RAB3GAP1: variants seen among roughly 807,000 people sequenced by gnomAD.
RAB3GAP1 encodes RAB3 GTPase activating protein catalytic subunit 1, also known as rab3 GTPase-activating protein catalytic subunit.
A neutral mutation model predicts 130.7 loss-of-function variants in RAB3GAP1; 86 were observed. The ratio of observed to expected loss-of-function variants is 0.66; its 90% CI spans 0.55 to 0.79. The LOEUF (loss-of-function observed/expected upper bound fraction) is 0.79. Ranked by LOEUF, RAB3GAP1 falls within the 30% of genes least tolerant of loss-of-function variation. RAB3GAP1 has a pLI of 0.00. For missense variants in RAB3GAP1, 1,029 were observed against 1,169.4 expected (o/e 0.88, Z 1.75); for synonymous variants, 367 against 401.7 (o/e 0.91, Z 1.03).
Position 135,170,169 on chromosome 2 carries a change from A to G in RAB3GAP1, c.*1388A>G, listed in dbSNP as rs1172769724. On this transcript the variant is annotated 3_prime_UTR_variant, in exon 24 of 24. Coordinates refer to ENST00000264158, the MANE Select transcript of RAB3GAP1 (RefSeq NM_012233.3). The stretch of plus-strand genomic sequence containing the variant: ...GCGGCCTGAGGCCAGTGCTGTACCA[A>G]GTAGAAGACGGTTCCTAAGGACAGA... 1 of 151,914 alleles carries G rather than the reference A, an allele frequency of 6.6e-6. No individual in the cohort carries two copies. Among genetic ancestry groups the G allele is most frequent in the Non-Finnish European group, 1.5e-5 (1 of 68,136 alleles). The allele number at this position is 151,914 out of a possible 1,614,324, so 9.4% of individuals were successfully genotyped here. A position where few individuals can be genotyped will look rare whatever the true frequency, so the allele number is the denominator to read the frequency against.
intron 8 of RAB3GAP1, among the ~76,000 whole-genome samples, chr2:135,123,589 C>G (rs912344410): frequency 4.6e-5 from 7 of 151,972 alleles, no homozygotes; most frequent in African/African-American, 1.7e-4. Flanking sequence ...CTTATTACTT[C>G]CTCAGGAGAG....
chr2:135,148,491 C>CTTTTT (rs571757000), intron 17 of RAB3GAP1, among the ~76,000 whole-genome samples: 1 of 108,124 alleles, frequency 9.2e-6, no homozygotes, highest in Non-Finnish European at 1.8e-5. Context: ...GCTAGTAATT[C>CTTTTT]TTTTTTTTTT....
At chr2:135,105,916 C>T (rs1397967096) in intron 5 of RAB3GAP1, among the ~76,000 whole-genome samples, 2 of 151,376 alleles carry the variant, frequency 1.3e-5, no homozygotes, top group African/African-American at 2.4e-5. Context: ...CATCTCTGCC[C>T]GGCCGCCCCG....
At chr2:135,090,736 TAGAG>T (rs1690119346) in intron 3 of RAB3GAP1, among the ~76,000 whole-genome samples, 2 of 152,216 alleles carry the variant, frequency 1.3e-5, no homozygotes, top group Non-Finnish European at 2.9e-5. Context: ...TGATTTTATA[TAGAG>T]AATCTTGGAA....
intron 3 of RAB3GAP1, among the ~76,000 whole-genome samples, chr2:135,070,080 T>A (rs1353256259): frequency 1.3e-5 from 2 of 152,208 alleles, no homozygotes; most frequent in Admixed American, 1.3e-4. Context: ...TACCCTGTAG[T>A]TCAACAATGT....
chr2:135,087,201 G>T (rs1192416738), intron 3 of RAB3GAP1, among the ~76,000 whole-genome samples: 1 of 152,126 alleles, frequency 6.6e-6, no homozygotes, highest in Non-Finnish European at 1.5e-5. Flanking sequence ...AATTCCAGTA[G>T]CACCTCTGTT....
chr2:135,060,352 C>T (rs368662857), intron 3 of RAB3GAP1, among the ~76,000 whole-genome samples: 4 of 150,878 alleles, frequency 2.7e-5, no homozygotes, highest in East Asian at 1.9e-4. Flanking sequence ...CTCCACCTCC[C>T]GGGTTCAAGA....
intron 8 of RAB3GAP1, among the ~76,000 whole-genome samples, chr2:135,121,244 G>A (rs2290518): frequency 0.31 from 47,730 of 152,006 alleles, 11,436 homozygotes; most frequent in African/African-American, 0.66. Context: ...AGACTATTAT[G>A]AGAGAAGAGC....
chr2:135,140,928 G>C (rs1477890981), intron 17 of RAB3GAP1, among the ~76,000 whole-genome samples: 2 of 152,208 alleles, frequency 1.3e-5, no homozygotes, highest in Non-Finnish European at 2.9e-5. Flanking sequence ...GGCAGTCTCA[G>C]ACCTGCAATA....
In RAB3GAP1 at chr2:135,170,393, G is replaced by A. The variant is rs1692817547; in HGVS notation, c.*1612G>A. 3 of 152,302 alleles carry A rather than the reference G, an allele frequency of 2.0e-5. No homozygotes were observed. Among genetic ancestry groups the A allele is most frequent in the South Asian group, 4.1e-4 (2 of 4,822 alleles). 9.4% of individuals were successfully genotyped at this position (152,302 alleles called of 1,614,324 possible). ...GTTTGCAGCCTGCTGAGCCTAACAA[G>A]GCAGTGGTCTCAAGAACATTCTTTG... On this transcript the variant is annotated 3_prime_UTR_variant, in exon 24 of 24. Transcript: ENST00000264158.
intron 5 of RAB3GAP1, among the ~76,000 whole-genome samples, chr2:135,101,093 T>C (rs1343164896): frequency 6.6e-6 from 1 of 152,202 alleles, no homozygotes; most frequent in Admixed American, 6.5e-5. Context: ...AGTAGAGGGT[T>C]GGGAATGGGA....
chr2:135,074,546 A>G (rs1290150010), intron 3 of RAB3GAP1, among the ~76,000 whole-genome samples: 1 of 152,152 alleles, frequency 6.6e-6, no homozygotes, highest in Non-Finnish European at 1.5e-5. Context: ...CTGGCCAGGA[A>G]CCTTCAGTTG....
chr2:135,162,390 G>A, intron 19 of RAB3GAP1, 165 bp from the exon 20 acceptor site: 1 of 688,206 alleles, frequency 1.5e-6, no homozygotes, highest in Non-Finnish European at 2.7e-6. Flanking sequence ...AAGTTCTTAG[G>A]TGCTTTCAGT....
At position 135,157,378 on chromosome 2, in the gene RAB3GAP1, C is replaced by G. The variant is rs547400143; in HGVS notation, c.2289+3502C>G. ...GAAAGAGGAAAAATAAACCTGAAAG[C>G]AAGTTGAGATACATTAATCCAGCTG... On this transcript the variant is annotated intron_variant, in intron 19 of 23. Transcript: ENST00000264158. Among the ~76,000 whole-genome samples, 137 of 152,236 alleles carry G rather than the reference C, an allele frequency of 9.0e-4. 1 individual carries two copies. Among genetic ancestry groups the G allele is most frequent in the African/African-American group, 3.0e-3 (123 of 41,532 alleles).
chr2:135,141,038 A>T (rs1181138787), intron 17 of RAB3GAP1, among the ~76,000 whole-genome samples: 1 of 151,902 alleles, frequency 6.6e-6, no homozygotes, highest in African/African-American at 2.4e-5. Flanking sequence ...TTCCTGAAGC[A>T]TATATATATT....
chr2:135,108,819 T>C (rs950974261), intron 5 of RAB3GAP1, among the ~76,000 whole-genome samples: 5 of 152,200 alleles, frequency 3.3e-5, no homozygotes, highest in African/African-American at 1.2e-4. Flanking sequence ...TAACTTTGCA[T>C]TTTATATTCA....
At chr2:135,145,714 CACTT>C (rs1406863186) in intron 17 of RAB3GAP1, among the ~76,000 whole-genome samples, 1 of 152,090 alleles carries the variant, frequency 6.6e-6, no homozygotes, top group Non-Finnish European at 1.5e-5. Flanking sequence ...TCAAAATAAA[CACTT>C]AAATTTTAGC....
intron 2 of RAB3GAP1, among the ~76,000 whole-genome samples, chr2:135,053,507 G>T (rs1688934195): frequency 6.6e-6 from 1 of 152,214 alleles, no homozygotes; most frequent in Admixed American, 6.5e-5. Context: ...TTTCCTGGGT[G>T]TTGAAGTCAG....
intron 2 of RAB3GAP1, among the ~76,000 whole-genome samples, chr2:135,056,625 G>A (rs566873538): frequency 5.3e-5 from 8 of 152,154 alleles, no homozygotes; most frequent in Admixed American, 3.3e-4. Flanking sequence ...TTTTAGCTTC[G>A]TAAATATAGT....
Sources: allele counts gnomAD v4.1 joint callset (sites outside exome capture counted in the v4.1 genomes callset), GRCh38; gene constraint gnomAD v4.1.1; transcripts MANE v1.5; gene names NCBI Gene and HGNC (gene_info 2026-07-23, HGNC 2026-07-21).